The following SNX13 variants were observed in gnomAD, a reference collection of about 807,000 sequenced individuals.
The protein encoded by SNX13 is sorting nexin-13.
In SNX13, 45 loss-of-function variants were observed where a neutral mutation model predicts 133.6. The observed-to-expected ratio is 0.34, with a 90% CI of 0.27 to 0.43. The LOEUF is 0.43. Among genes scored for constraint, SNX13 ranks in the 20% least tolerant of loss-of-function variants. The pLI is 1.00. For synonymous variants in SNX13, 414 were observed against 373.9 expected, an observed-to-expected ratio of 1.11 and a Z score of -1.24; for missense variants, 1,032 against 1,145.1, an observed-to-expected ratio of 0.90 and a Z score of 1.43.
intron 1 of SNX13, among the ~76,000 whole-genome samples, chr7:17,917,808 A>G (rs377640031): frequency 2.0e-5 from 3 of 152,182 alleles, no homozygotes; most frequent in African/African-American, 7.2e-5. Context: ...TCTAAAATTC[A>G]TATGAACTAC....
intron 5 of SNX13, among the ~76,000 whole-genome samples, chr7:17,887,895 C>T (rs1796190016): frequency 6.6e-6 from 1 of 151,310 alleles, no homozygotes; most frequent in South Asian, 2.1e-4. Flanking sequence ...TTTGTGGGCC[C>T]CTGTTAAGAG....
intron 18 of SNX13, among the ~76,000 whole-genome samples, chr7:17,818,345 T>C (rs544932676): frequency 8.9e-4 from 136 of 152,102 alleles, no homozygotes; most frequent in Non-Finnish European, 1.5e-3. Context: ...TATTAAACCT[T>C]ACTAATAAAA....
intron 20 of SNX13, among the ~76,000 whole-genome samples, chr7:17,804,908 C>A (rs1785016244): frequency 6.6e-6 from 1 of 152,116 alleles, no homozygotes; most frequent in South Asian, 2.1e-4. Flanking sequence ...ATTTTATTTT[C>A]ATAGCTTCCA....
At chr7:17,937,513 CAAAAA>C (rs5882636) in intron 1 of SNX13, among the ~76,000 whole-genome samples, 1 of 79,832 alleles carries the variant, frequency 1.3e-5, no homozygotes, top group Non-Finnish European at 2.4e-5. Flanking sequence ...GACTCCGTCT[CAAAAA>C]AAAAAAAAAA....
intron 25 of SNX13, chr7:17,794,888 G>A (rs1179075577): frequency 1.3e-5 from 2 of 151,656 alleles, no homozygotes; most frequent in Middle Eastern, 3.4e-3. Context: ...AATGCTAAAA[G>A]TATAAGAATA....
intron 19 of SNX13, among the ~76,000 whole-genome samples, chr7:17,815,617 G>A (rs1057420674): frequency 6.6e-6 from 1 of 152,012 alleles, no homozygotes; most frequent in African/African-American, 2.4e-5. Context: ...AAAATGGTAC[G>A]AAATAAAGTA....
At chr7:17,868,755 T>C (rs1405413513) in intron 8 of SNX13, among the ~76,000 whole-genome samples, 1 of 152,092 alleles carries the variant, frequency 6.6e-6, no homozygotes, top group African/African-American at 2.4e-5. Flanking sequence ...CTCTAGTATG[T>C]TAGCATTGAT....
intron 1 of SNX13, among the ~76,000 whole-genome samples, chr7:17,905,712 G>T (rs901208135): frequency 6.6e-6 from 1 of 152,196 alleles, no homozygotes; most frequent in South Asian, 2.1e-4. Flanking sequence ...CACAGGGAAA[G>T]TACTCTTTAA....
At chr7:17,904,044 G>C (rs746819110) in intron 1 of SNX13, among the ~76,000 whole-genome samples, 1 of 152,080 alleles carries the variant, frequency 6.6e-6, no homozygotes, top group Non-Finnish European at 1.5e-5. Flanking sequence ...TGAAAATTAA[G>C]AAATGGCAAT....
intron 9 of SNX13, among the ~76,000 whole-genome samples, chr7:17,858,530 A>G (rs1175945909): frequency 6.6e-6 from 1 of 152,158 alleles, no homozygotes; most frequent in Admixed American, 6.5e-5. Flanking sequence ...GTTCCTAGAT[A>G]AGAAGACAAA....
intron 1 of SNX13, among the ~76,000 whole-genome samples, chr7:17,903,280 C>T (rs1334993608): frequency 6.6e-6 from 1 of 152,146 alleles, no homozygotes; most frequent in African/African-American, 2.4e-5. Flanking sequence ...TCTCTCATTT[C>T]TAACAAGCTA....
intron 1 of SNX13, among the ~76,000 whole-genome samples, chr7:17,926,084 C>A (rs1800720388): frequency 6.6e-6 from 1 of 151,958 alleles, no homozygotes. Context: ...AATAGTTGAG[C>A]TATAATAACA....
At chr7:17,939,305 G>A (rs1460869847) in intron 1 of SNX13, among the ~76,000 whole-genome samples, 2 of 152,078 alleles carry the variant, frequency 1.3e-5, no homozygotes, top group African/African-American at 4.8e-5. Context: ...TGCCCAATCC[G>A]GTCAGTTCCT....
intron 21 of SNX13, among the ~76,000 whole-genome samples, chr7:17,802,150 T>G (rs1378551137): frequency 6.6e-6 from 1 of 152,016 alleles, no homozygotes; most frequent in Non-Finnish European, 1.5e-5. Context: ...CTAGGAGCAA[T>G]AGGCAATACT....
chr7:17,865,089 C>A (rs1562801713), intron 9 of SNX13, among the ~76,000 whole-genome samples: 1 of 152,152 alleles, frequency 6.6e-6, no homozygotes, highest in South Asian at 2.1e-4. Context: ...ATGAGTCTTA[C>A]TAGAAATCCT....
intron 12 of SNX13, among the ~76,000 whole-genome samples, chr7:17,841,223 G>C (rs1471085623): frequency 6.6e-6 from 1 of 152,022 alleles, no homozygotes; most frequent in Non-Finnish European, 1.5e-5. Context: ...TAACAAGCAA[G>C]AGATTTAGAA....
rs1041704075 is a variant in SNX13, at chr7:17,905,364, T to G, written c.13-7918A>C. Among the ~76,000 whole-genome samples, 3 of 152,144 alleles carry G rather than the reference T, an allele frequency of 2.0e-5. No individual in the cohort carries two copies. In the South Asian group the frequency reaches 6.2e-4, roughly 31 times the overall value. ...AATGAGGCAGTTTCTGCCCCTAATA[T>G]GCTCAGAAGCTAAAAAGGTAAAATA... is the stretch of plus-strand genomic sequence containing the variant. On this transcript the variant is annotated intron_variant, in intron 1 of 25. Coordinates refer to ENST00000428135, the MANE Select transcript of SNX13 (RefSeq NM_015132.5).
chr7:17,929,364 G>C (rs1801137571), intron 1 of SNX13, among the ~76,000 whole-genome samples: 1 of 152,060 alleles, frequency 6.6e-6, no homozygotes, highest in Non-Finnish European at 1.5e-5. Context: ...TATGTGAAAA[G>C]ATAAGCAACT....
intron 5 of SNX13, chr7:17,879,607 T>C (rs938769823): frequency 1.3e-5 from 2 of 152,218 alleles, no homozygotes; most frequent in African/African-American, 4.8e-5. Context: ...GGCTACTTAA[T>C]GCCAATCCCT....
Sources: gnomAD v4.1 joint callset for allele counts (sites outside exome capture counted in the v4.1 genomes callset) on GRCh38, gnomAD v4.1.1 for gene constraint, MANE v1.5 for transcripts, NCBI Gene and HGNC (gene_info 2026-07-23, HGNC 2026-07-21) for gene names.